Variants in CDH18 observed in about 807,000 individuals in gnomAD.
The protein encoded by CDH18 is cadherin-18.
Under a neutral mutation model 67.9 loss-of-function variants are expected in CDH18, and 31 were observed. That is an observed-to-expected ratio of 0.46 (90% CI 0.34 to 0.62). The LOEUF (loss-of-function observed/expected upper bound fraction) is 0.62. CDH18 is among the 20% of genes least tolerant of loss of function. The pLI is 0.01. For missense variants in CDH18, 890 were observed against 975.5 expected, an observed-to-expected ratio of 0.91 and a Z score of 1.17; for synonymous variants, 362 against 347.2, an observed-to-expected ratio of 1.04 and a Z score of -0.48.
chr5:19,561,946 A>G (rs1285407411), intron 8 of CDH18, among the ~76,000 whole-genome samples: 1 of 152,156 alleles, frequency 6.6e-6, no homozygotes, highest in Non-Finnish European at 1.5e-5. Context: ...AATGTGATAC[A>G]ATTTCAAAAT....
At chr5:19,816,303 T>C (rs1420397778) in intron 3 of CDH18, among the ~76,000 whole-genome samples, 1 of 151,832 alleles carries the variant, frequency 6.6e-6, no homozygotes, top group Non-Finnish European at 1.5e-5. Context: ...ATAGAGTTTC[T>C]TAATTTTCTT....
chr5:19,800,266 G>A lies in CDH18; in HGVS notation c.228+38493C>T, dbSNP rs200573245. Among the ~76,000 whole-genome samples the A allele has an allele frequency of 2.0e-5, 3 of 152,100 alleles. No homozygotes were observed. The East Asian group carries it at 5.8e-4, about 29-fold the overall frequency. On this transcript the variant is annotated intron_variant, in intron 3 of 12. Coordinates refer to ENST00000382275, the MANE Select transcript of CDH18 (RefSeq NM_004934.5). ...GGGCAAGATAGCTCTAAAAGATAAA[G>A]GTTAATGGAAAATATTTATAGAAAA...
chr5:20,035,605 C>T (rs930455524), intron 2 of CDH18, among the ~76,000 whole-genome samples: 1 of 151,938 alleles, frequency 6.6e-6, no homozygotes, highest in African/African-American at 2.4e-5. Flanking sequence ...AACTCCCTCA[C>T]TATCATGAGA....
rs559902731 is a variant in CDH18 at position 20,459,589 on chromosome 5, T to C, written c.-580+115873A>G. On this transcript the variant is annotated intron_variant, in intron 1 of 14. Transcript: ENST00000507958. ...CACAAGGGGAAGGTCCACAGTGCCC[T>C]CCCCTAGACTTCCTGCCTCTGTGTA... Among the ~76,000 whole-genome samples the C allele has an allele frequency of 5.5e-4, 83 of 152,266 alleles. 2 individuals are homozygous for C. The South Asian group carries it at 0.015, about 27-fold the overall frequency.
chr5:19,790,696 C>G (rs951203234), intron 3 of CDH18, among the ~76,000 whole-genome samples: 1 of 151,992 alleles, frequency 6.6e-6, no homozygotes, highest in Non-Finnish European at 1.5e-5. Context: ...ATGACAAGAC[C>G]AGGTATCTGT....
intron 2 of CDH18, among the ~76,000 whole-genome samples, chr5:19,932,241 C>T (rs527678018): frequency 6.6e-6 from 1 of 151,682 alleles, no homozygotes; most frequent in East Asian, 1.9e-4. Context: ...CTGGAATGCA[C>T]AAAGCTTTTC....
At chr5:20,092,065 A>C (rs182068961) in intron 2 of CDH18, among the ~76,000 whole-genome samples, 5 of 152,226 alleles carry the variant, frequency 3.3e-5, no homozygotes, top group African/African-American at 1.2e-4. Context: ...ACGGGATTTC[A>C]TTAAGGTAAT....
At chr5:20,378,985 T>A (rs773994238) in intron 1 of CDH18, among the ~76,000 whole-genome samples, 1 of 152,078 alleles carries the variant, frequency 6.6e-6, no homozygotes, top group Admixed American at 6.6e-5. Flanking sequence ...ATACTACAAG[T>A]TGGCTGAGTG....
chr5:19,557,732 T>A (rs1040897893), intron 8 of CDH18, among the ~76,000 whole-genome samples: 1 of 152,056 alleles, frequency 6.6e-6, no homozygotes, highest in African/African-American at 2.4e-5. Flanking sequence ...ACTAGACAGG[T>A]CATGAAGACA....
chr5:19,615,153 A>G (rs201104377), intron 5 of CDH18, among the ~76,000 whole-genome samples: 4 of 14,186 alleles, frequency 2.8e-4, no homozygotes, highest in Non-Finnish European at 4.4e-4. Context: ...CTCAAAAAAG[A>G]AAAAAAAAAA....
At chr5:20,280,572 G>A (rs1408975088) in intron 1 of CDH18, among the ~76,000 whole-genome samples, 1 of 152,158 alleles carries the variant, frequency 6.6e-6, no homozygotes, top group Non-Finnish European at 1.5e-5. Context: ...ATTCCATGGT[G>A]TATATGTGCC....
chr5:20,245,317 T>A (rs1409609343), intron 2 of CDH18, among the ~76,000 whole-genome samples: 3 of 152,214 alleles, frequency 2.0e-5, no homozygotes, highest in Non-Finnish European at 4.4e-5. Context: ...TATATCCCCA[T>A]AAATATGCCT....
chr5:20,506,280 A>G (rs979669927), intron 1 of CDH18, among the ~76,000 whole-genome samples: 1 of 152,190 alleles, frequency 6.6e-6, no homozygotes, highest in Non-Finnish European at 1.5e-5. Context: ...TGCAGAATAG[A>G]AAAAACATGT....
At chr5:19,836,295 G>T (rs1158203469) in intron 3 of CDH18, among the ~76,000 whole-genome samples, 1 of 152,138 alleles carries the variant, frequency 6.6e-6, no homozygotes, top group Non-Finnish European at 1.5e-5. Context: ...CAGTGGAAAA[G>T]TGTTCCTATT....
chr5:20,125,576 C>CCATTCTCA (rs1748752549), intron 2 of CDH18, among the ~76,000 whole-genome samples: 1 of 152,114 alleles, frequency 6.6e-6, no homozygotes, highest in Non-Finnish European at 1.5e-5. Flanking sequence ...GAAAAAAGCT[C>CCATTCTCA]CATTCTCATA....
intron 1 of CDH18, among the ~76,000 whole-genome samples, chr5:19,984,933 A>C (rs952027873): frequency 6.6e-6 from 1 of 152,184 alleles, no homozygotes; most frequent in Non-Finnish European, 1.5e-5. Context: ...ATATAGAATA[A>C]CCAGAGTGAA....
At chr5:19,692,425 A>G (rs1252751026) in intron 5 of CDH18, among the ~76,000 whole-genome samples, 1 of 152,152 alleles carries the variant, frequency 6.6e-6, no homozygotes, top group East Asian at 1.9e-4. Flanking sequence ...CAGAATAAAT[A>G]ATCAACAGAA....
intron 1 of CDH18, among the ~76,000 whole-genome samples, chr5:20,443,954 G>A (rs969354082): frequency 4.6e-5 from 7 of 151,814 alleles, no homozygotes; most frequent in African/African-American, 1.7e-4. Context: ...TATACACTTG[G>A]GGAATGGAGG....
intron 2 of CDH18, among the ~76,000 whole-genome samples, chr5:20,096,808 C>T (rs1381761434): frequency 6.6e-6 from 1 of 151,640 alleles, no homozygotes; most frequent in Non-Finnish European, 1.5e-5. Flanking sequence ...AAGAATAGAC[C>T]CAATGGGACA....
Sources: allele counts gnomAD v4.1 joint callset (sites outside exome capture counted in the v4.1 genomes callset), GRCh38; gene constraint gnomAD v4.1.1; transcripts MANE v1.5; gene names NCBI Gene and HGNC (gene_info 2026-07-23, HGNC 2026-07-21).